The following ARHGEF26 variants were observed in gnomAD, a reference collection of about 807,000 sequenced individuals.
ARHGEF26 encodes Rho guanine nucleotide exchange factor (GEF) 26.
ARHGEF26 carries 59 observed loss-of-function variants against 89.4 expected under a neutral mutation model. The observed-to-expected ratio is 0.66, with a 90% CI of 0.54 to 0.82. The LOEUF (loss-of-function observed/expected upper bound fraction) is 0.82. Ranked by LOEUF, ARHGEF26 falls within the 40% of genes least tolerant of loss-of-function variation. The pLI is 0.00. For synonymous variants in ARHGEF26, 500 were observed against 428.4 expected, an observed-to-expected ratio of 1.17 and a Z score of -2.06; for missense variants, 1,234 against 1,085.6, an observed-to-expected ratio of 1.14 and a Z score of -1.92.
intron 12 of ARHGEF26, among the ~76,000 whole-genome samples, chr3:154,247,461 C>A (rs955329361): frequency 6.6e-6 from 1 of 152,166 alleles, no homozygotes; most frequent in African/African-American, 2.4e-5. Context: ...TTTGAACTAC[C>A]CCAATGGCCT....
intron 6 of ARHGEF26, among the ~76,000 whole-genome samples, chr3:154,168,308 G>A (rs1712181749): frequency 6.6e-6 from 1 of 152,228 alleles, no homozygotes; most frequent in Admixed American, 6.5e-5. Flanking sequence ...TGTACACGTT[G>A]GCTCACGTCT....
intron 9 of ARHGEF26, among the ~76,000 whole-genome samples, chr3:154,201,722 T>G (rs1292913546): frequency 6.6e-6 from 1 of 152,140 alleles, no homozygotes. Flanking sequence ...GGTATCTCAT[T>G]GTGGTTTTGA....
At chr3:154,193,397 G>T (rs1344297716) in intron 8 of ARHGEF26, among the ~76,000 whole-genome samples, 1 of 152,188 alleles carries the variant, frequency 6.6e-6, no homozygotes, top group African/African-American at 2.4e-5. Flanking sequence ...TGCACTCTGT[G>T]TTTCTCACAT....
intron 3 of ARHGEF26, among the ~76,000 whole-genome samples, chr3:154,128,180 C>A (rs1008778765): frequency 6.6e-6 from 1 of 152,274 alleles, no homozygotes; most frequent in Non-Finnish European, 1.5e-5. Flanking sequence ...GAGTAAAAAT[C>A]AAAGTCCTTT....
At chr3:154,213,061 T>C (rs79885489) in intron 9 of ARHGEF26, among the ~76,000 whole-genome samples, 1,607 of 152,274 alleles carry the variant, frequency 0.011, 22 homozygotes, top group African/African-American at 0.037. Context: ...TCTAGAAAAG[T>C]TCATGTCCAC....
intron 12 of ARHGEF26, among the ~76,000 whole-genome samples, chr3:154,242,723 G>A (rs1404092089): frequency 6.6e-6 from 1 of 152,098 alleles, no homozygotes; most frequent in Non-Finnish European, 1.5e-5. Context: ...TTTCATGAAT[G>A]AAAGAGTCAA....
chr3:154,163,255 A>G (rs182495714), intron 6 of ARHGEF26, among the ~76,000 whole-genome samples: 13 of 152,316 alleles, frequency 8.5e-5, no homozygotes, highest in African/African-American at 1.4e-4. Flanking sequence ...TAGTTTAGTT[A>G]TACATCATTT....
intron 4 of ARHGEF26, among the ~76,000 whole-genome samples, chr3:154,148,565 A>C (rs1719825750): frequency 6.6e-6 from 1 of 152,028 alleles, no homozygotes; most frequent in African/African-American, 2.4e-5. Flanking sequence ...CTTCTCCTTA[A>C]GATTTTTTGG....
chr3:154,149,925 TAA>T (rs34955313), intron 5 of ARHGEF26, among the ~76,000 whole-genome samples: 2 of 139,494 alleles, frequency 1.4e-5, no homozygotes, highest in Non-Finnish European at 3.2e-5. Context: ...GTTTATTTAG[TAA>T]AAAAAAAAAA....
rs1313009368 is a variant in ARHGEF26 at position 154,257,142 on chromosome 3, CCT to C, written c.*1670_*1671del. 1.1e-5 allele frequency: 8 copies of C among 753,098 alleles called. No individual in the cohort carries two copies. The highest frequency in any genetic ancestry group is 5.4e-5 in the African/African-American group (3 of 55,642). The allele number at this position is 753,098 out of a possible 1,614,324, so 46.7% of individuals were successfully genotyped here. A position where few individuals can be genotyped will look rare whatever the true frequency, so the allele number is the denominator to read the frequency against. On this transcript the variant is annotated 3_prime_UTR_variant, in exon 15 of 15. Transcript: ENST00000465093. The stretch of plus-strand genomic sequence containing the variant: ...TGTGCCTGGCTCACACAGCCTGCAC[CCT>C]GTCACCTCGGCAATGAGCCAGTGTG...
intron 10 of ARHGEF26, among the ~76,000 whole-genome samples, chr3:154,219,079 T>C (rs1715956453): frequency 1.3e-5 from 2 of 152,224 alleles, no homozygotes; most frequent in African/African-American, 4.8e-5. Flanking sequence ...TTAAATAGTT[T>C]TAATGTTCTT....
At chr3:154,121,612 C>T (rs1046691962) in intron 1 of ARHGEF26, 93 bp downstream of exon 1, 13 of 208,386 alleles carry the variant, frequency 6.2e-5, no homozygotes, top group Non-Finnish European at 1.9e-5. Flanking sequence ...CGTCCCGCGG[C>T]GAGTTTCCCA....
chr3:154,175,328 C>T (rs543650674), intron 6 of ARHGEF26, among the ~76,000 whole-genome samples: 16 of 152,060 alleles, frequency 1.1e-4, no homozygotes, highest in Non-Finnish European at 1.9e-4. Flanking sequence ...AGAGGGAGGG[C>T]GGGCATTGTG....
At position 154,121,937 on chromosome 3, in the gene ARHGEF26, T is replaced by C; in HGVS notation, c.-51-5T>C. The C allele has an allele frequency of 6.5e-7, 1 of 1,527,382 alleles. No homozygotes were observed. Among genetic ancestry groups the C allele is most frequent in the Non-Finnish European group, 8.8e-7 (1 of 1,134,936 alleles). The allele number at this position is 1,527,382 out of a possible 1,614,324, so 94.6% of individuals were successfully genotyped here. A position where few individuals can be genotyped will look rare whatever the true frequency, so the allele number is the denominator to read the frequency against. On this transcript the variant is annotated splice_region_variant and splice_polypyrimidine_tract_variant and intron_variant, in intron 1 of 14. Coordinates refer to ENST00000465093, the MANE Select transcript of ARHGEF26 (RefSeq NM_015595.4). ...GCACAGTTTCCTAACTTCTTTCCTC[T>C]TTAGGCAAGACTAACTCGGTGTTGC... is the stretch of plus-strand genomic sequence containing the variant.
intron 12 of ARHGEF26, among the ~76,000 whole-genome samples, chr3:154,246,174 G>A (rs1717792134): frequency 6.6e-6 from 1 of 152,196 alleles, no homozygotes; most frequent in South Asian, 2.1e-4. Context: ...CCTCTCTTAA[G>A]AGGTGATATT....
chr3:154,256,041 G>A lies in ARHGEF26; in HGVS notation c.*568G>A. 1 of 985,600 alleles carries A rather than the reference G, an allele frequency of 1.0e-6. No homozygotes were observed. Among genetic ancestry groups the A allele is most frequent in the Non-Finnish European group, 1.2e-6 (1 of 829,852 alleles). 61.1% of individuals were successfully genotyped at this position (985,600 alleles called of 1,614,324 possible). ...AACCTCTTCCCAGGAAGGGGACATTGACACTTGAATTTTTGTCACCTTTTT... is the reference window on the plus strand; with the variant it reads ...AACCTCTTCCCAGGAAGGGGACATTAACACTTGAATTTTTGTCACCTTTTT... On this transcript the variant is annotated 3_prime_UTR_variant, in exon 15 of 15. Transcript: ENST00000465093.
At chr3:154,121,712 C>T (rs1717929949) in intron 1 of ARHGEF26, among the ~76,000 whole-genome samples, 193 bp downstream of exon 1, 1 of 152,164 alleles carries the variant, frequency 6.6e-6, no homozygotes, top group Non-Finnish European at 1.5e-5. Context: ...GGTCTTTTGG[C>T]GCGGGAGGGA....
chr3:154,193,842 G>T (rs1245636159), intron 8 of ARHGEF26, among the ~76,000 whole-genome samples: 1 of 149,920 alleles, frequency 6.7e-6, no homozygotes, highest in South Asian at 2.1e-4. Flanking sequence ...GTTTTTTTGG[G>T]TTTTTTTTTG....
At chr3:154,131,139 G>C (rs1446435104) in intron 4 of ARHGEF26, among the ~76,000 whole-genome samples, 1 of 152,202 alleles carries the variant, frequency 6.6e-6, no homozygotes, top group Admixed American at 6.5e-5. Flanking sequence ...GTCAGGGGAA[G>C]TAGAATGAAT....
Sources: gnomAD v4.1 joint callset for allele counts (sites outside exome capture counted in the v4.1 genomes callset) on GRCh38, gnomAD v4.1.1 for gene constraint, MANE v1.5 for transcripts, NCBI Gene and HGNC (gene_info 2026-07-23, HGNC 2026-07-21) for gene names.